Variants in PEAK1 observed in about 807,000 individuals in gnomAD.
The protein encoded by PEAK1 is inactive tyrosine-protein kinase PEAK1.
Under a neutral mutation model 124.7 loss-of-function variants are expected in PEAK1, and 54 were observed. That is an observed-to-expected ratio of 0.43 (90% confidence interval 0.35 to 0.54). The LOEUF (loss-of-function observed/expected upper bound fraction) is 0.54, where lower values mean the gene tolerates loss of function less well. PEAK1 is among the 20% of genes least tolerant of loss of function. The probability of loss-of-function intolerance (pLI) is 0.01; values close to 1 mark genes in which losing one functional copy is unlikely to be tolerated. For missense variants in PEAK1, 2,046 were observed against 2,134.5 expected (o/e 0.96, Z 0.82); for synonymous variants, 719 against 760.0 (o/e 0.95, Z 0.89).
downstream of PEAK1, chr15:77,108,122 T>C (rs1480270424): frequency 6.6e-6 from 1 of 152,206 alleles, no homozygotes; most frequent in Non-Finnish European, 1.5e-5. Flanking sequence ...AGCATGTCAG[T>C]GTGGAAGAGT....
chr15:77,140,572 C>A (rs2053697423), intron 8 of PEAK1, among the ~76,000 whole-genome samples: 1 of 152,042 alleles, frequency 6.6e-6, no homozygotes, highest in South Asian at 2.1e-4. Context: ...ACTCAATGAA[C>A]TAGAAACAGA....
chr15:77,181,347 G>A lies in PEAK1; in HGVS notation c.580C>T (p.Pro194Ser), dbSNP rs2057259206. 4 of 1,614,054 alleles carry A rather than the reference G, an allele frequency of 2.5e-6. No homozygotes were observed. Among genetic ancestry groups the A allele is most frequent in the East Asian group, 2.2e-5 (1 of 44,880 alleles). Reference protein sequence around the residue: ...YKRSLERKLPPSCMIGGIKET... With the variant: ...YKRSLERKLPSSCMIGGIKET... ...TTTATCCCACCTATCATGCAACTTGGTGGAAGCTTTCTTTCCAATGATCGT... is the reference window on the plus strand; with the variant it reads ...TTTATCCCACCTATCATGCAACTTGATGGAAGCTTTCTTTCCAATGATCGT... Residue 194 changes from proline (P) to serine (S), a missense_variant, in exon 7 of 10, where the codon CCA becomes TCA. Pro to Ser is a moderately conservative substitution (Grantham distance 74). Coordinates refer to ENST00000682557, the MANE Select transcript of PEAK1 (RefSeq NM_001385026.1).
At chr15:77,365,004 T>C (rs1285826267) in intron 2 of PEAK1, among the ~76,000 whole-genome samples, 159 bp downstream of exon 2, 2 of 152,234 alleles carry the variant, frequency 1.3e-5, no homozygotes, top group Non-Finnish European at 2.9e-5. Context: ...CTTATAAACA[T>C]GCTTAAAAGT....
At chr15:77,288,507 G>A (rs754183488) in intron 2 of PEAK1, among the ~76,000 whole-genome samples, 12 of 152,160 alleles carry the variant, frequency 7.9e-5, no homozygotes, top group Non-Finnish European at 7.3e-5. Flanking sequence ...ACAAACTAAT[G>A]ACAAAGCAGC....
chr15:77,230,410 G>T (rs1263374905), intron 6 of PEAK1, among the ~76,000 whole-genome samples: 2 of 152,050 alleles, frequency 1.3e-5, no homozygotes, highest in African/African-American at 4.8e-5. Flanking sequence ...ATGTTGGCCA[G>T]GCTGGTCTCG....
chr15:77,255,308 T>C, intron 5 of PEAK1: 1 of 854,736 alleles, frequency 1.2e-6, no homozygotes. Context: ...AATTGTTAAC[T>C]TATTTTACTA....
At chr15:77,228,279 G>A (rs1462081879) in intron 6 of PEAK1, among the ~76,000 whole-genome samples, 1 of 152,078 alleles carries the variant, frequency 6.6e-6, no homozygotes. Context: ...CGATTCTCAT[G>A]TTCTAACATT....
chr15:77,152,761 C>G (rs1219479762), intron 8 of PEAK1, among the ~76,000 whole-genome samples: 1 of 152,002 alleles, frequency 6.6e-6, no homozygotes, highest in Non-Finnish European at 1.5e-5. Context: ...TGGTTTTTGT[C>G]TTTGGTTCTG....
At chr15:77,262,039 C>T (rs1246823300) in intron 5 of PEAK1, among the ~76,000 whole-genome samples, 2 of 152,082 alleles carry the variant, frequency 1.3e-5, no homozygotes, top group African/African-American at 4.8e-5. Context: ...AAATAAAATA[C>T]TTTACAGACA....
intron 2 of PEAK1, among the ~76,000 whole-genome samples, chr15:77,304,176 C>G (rs1314254611): frequency 6.6e-6 from 1 of 152,154 alleles, no homozygotes; most frequent in Non-Finnish European, 1.5e-5. Context: ...ATTTGGCTTT[C>G]CTTATGAGCT....
chr15:77,282,678 A>G (rs941346550), intron 5 of PEAK1, among the ~76,000 whole-genome samples: 19 of 152,318 alleles, frequency 1.2e-4, no homozygotes, highest in Middle Eastern at 3.4e-3. Context: ...GTTAAATGTC[A>G]TAACTTTTTT....
intron 1 of PEAK1, among the ~76,000 whole-genome samples, chr15:77,378,669 A>C (rs2069230311): frequency 6.6e-6 from 1 of 152,182 alleles, no homozygotes; most frequent in South Asian, 2.1e-4. Flanking sequence ...TCCTTTTAAA[A>C]ATCACATTGT....
rs143914743 is a variant in PEAK1, at chr15:77,306,171, A to C, written c.-602-19667T>G. On this transcript the variant is annotated intron_variant, in intron 2 of 9. Coordinates refer to ENST00000682557, the MANE Select transcript of PEAK1 (RefSeq NM_001385026.1). ...TGGCAGTTAACGTGCATTTTTGCTT[A>C]GTCATTTCTCTTTTCAGTCCTGAAT... Among the ~76,000 whole-genome samples the C allele has an allele frequency of 3.1e-3, 478 of 152,266 alleles. 10 individuals carry two copies. The East Asian group carries it at 0.042, about 13-fold the overall frequency.
Position 77,298,363 on chromosome 15 carries a change from C to T in PEAK1, c.-602-11859G>A, listed in dbSNP as rs563739064. 5.0e-3 allele frequency among the ~76,000 whole-genome samples: 750 copies of T among 150,810 alleles called. 4 individuals carry two copies. The highest frequency in any genetic ancestry group is 0.016 in the African/African-American group (648 of 41,044). ...CCTCCCGAGTAGCTGGGACTACAGG[C>T]GCCCGCCACCACGCCCAGCTAATTT... On this transcript the variant is annotated intron_variant, in intron 2 of 9. Transcript: ENST00000682557.
At chr15:77,271,702 G>A (rs1039374672) in intron 5 of PEAK1, among the ~76,000 whole-genome samples, 21 of 152,260 alleles carry the variant, frequency 1.4e-4, no homozygotes, top group African/African-American at 2.9e-4. Flanking sequence ...AACACCGCAT[G>A]TTCTCACTCA....
At chr15:77,376,748 A>G (rs984895278) in intron 1 of PEAK1, among the ~76,000 whole-genome samples, 1 of 152,246 alleles carries the variant, frequency 6.6e-6, no homozygotes, top group Non-Finnish European at 1.5e-5. Flanking sequence ...TCTCATTTTA[A>G]AAACACAAGC....
At chr15:77,167,687 A>C (rs1259429534) in intron 7 of PEAK1, among the ~76,000 whole-genome samples, 1 of 152,246 alleles carries the variant, frequency 6.6e-6, no homozygotes, top group African/African-American at 2.4e-5. Flanking sequence ...TAAGCATGAA[A>C]AGACAACTTT....
intron 9 of PEAK1, among the ~76,000 whole-genome samples, chr15:77,116,231 G>A (rs181678903): frequency 1.5e-4 from 23 of 152,246 alleles, no homozygotes; most frequent in Admixed American, 1.1e-3. Flanking sequence ...GAGGCTGACC[G>A]TGGAAGACTG....
intron 9 of PEAK1, among the ~76,000 whole-genome samples, chr15:77,129,791 C>T (rs2052703514): frequency 1.3e-5 from 2 of 152,056 alleles, no homozygotes; most frequent in Admixed American, 6.6e-5. Flanking sequence ...CTTTTAGTCT[C>T]TTTAAGAGAC....
Sources: gnomAD v4.1 joint callset for allele counts (sites outside exome capture counted in the v4.1 genomes callset) on GRCh38, gnomAD v4.1.1 for gene constraint, MANE v1.5 for transcripts, NCBI Gene and HGNC (gene_info 2026-07-23, HGNC 2026-07-21) for gene names.